RFX3: variants seen among roughly 807,000 people sequenced by gnomAD.
RFX3 encodes transcription factor RFX3.
Under a neutral mutation model 98.6 loss-of-function variants are expected in RFX3, and 14 were observed. The observed-to-expected ratio is 0.14, with a 90% CI of 0.09 to 0.22. The LOEUF (loss-of-function observed/expected upper bound fraction) is 0.22. RFX3 is among the 10% of genes least tolerant of loss of function. The probability of loss-of-function intolerance (pLI) is 1.00; values close to 1 mark genes in which losing one functional copy is unlikely to be tolerated. For synonymous variants in RFX3, 383 were observed against 328.4 expected, an observed-to-expected ratio of 1.17 and a Z score of -1.80; for missense variants, 639 against 926.9, an observed-to-expected ratio of 0.69 and a Z score of 4.03.
Position 3,225,169 on chromosome 9 carries a change from A to G in RFX3, c.2123T>C (p.Met708Thr), listed in dbSNP as rs575024096. 1.6e-5 allele frequency: 26 copies of G among 1,613,946 alleles called. No homozygotes were observed. In the Admixed American group the frequency reaches 1.7e-4, roughly 10 times the overall value. The change falls in exon 17 of 17, where the codon ATG (methionine) becomes ACG (threonine). Residue 708 changes from methionine to threonine, a missense_variant. Physicochemically the swap from Met to Thr is moderately conservative, Grantham distance 81 (BLOSUM62 -1). This residue lies in a region of RFX3 where 129 missense variants were observed against 124.6 expected (regional missense o/e 1.04). Transcript: ENST00000617270. ...CACGCCAGTCTCGAGAACAGGCTGCATGCAGCCCACTGGAAATGCCTGGCT... is the reference window on the plus strand; with the variant it reads ...CACGCCAGTCTCGAGAACAGGCTGCGTGCAGCCCACTGGAAATGCCTGGCT... ...ELSQAFPVGC[M>T]QPVLETGVQP...
At chr9:3,310,454 T>C (rs991275719) in intron 4 of RFX3, among the ~76,000 whole-genome samples, 1 of 152,224 alleles carries the variant, frequency 6.6e-6, no homozygotes, top group Admixed American at 6.5e-5. Context: ...TTTTAATCTT[T>C]TGTTAAAAGA....
intron 1 of RFX3, among the ~76,000 whole-genome samples, chr9:3,516,692 T>A (rs1053666064): frequency 2.0e-5 from 3 of 152,162 alleles, no homozygotes; most frequent in African/African-American, 2.4e-5. Flanking sequence ...TTTATTCTGA[T>A]CAGAGAGCAC....
chr9:3,490,264 A>T, intron 1 of RFX3: 1 of 900,870 alleles, frequency 1.1e-6, no homozygotes, highest in Non-Finnish European at 1.3e-6. Flanking sequence ...TATAAAGAAC[A>T]TGTGTTCAAA....
At chr9:3,279,011 T>C (rs1462745855) in intron 7 of RFX3, among the ~76,000 whole-genome samples, 3 of 151,870 alleles carry the variant, frequency 2.0e-5, no homozygotes, top group African/African-American at 4.8e-5. Flanking sequence ...CATATCCAAA[T>C]ATAACAGAAG....
rs78709493 is a variant in RFX3, at chr9:3,392,092, G to A, written c.117+3380C>T. Among the ~76,000 whole-genome samples the A allele has an allele frequency of 5.3e-5, 8 of 152,278 alleles. No individual in the cohort carries two copies. In the East Asian group the frequency reaches 1.5e-3, roughly 29 times the overall value. On this transcript the variant is annotated intron_variant, in intron 2 of 16. Transcript: ENST00000617270. ...GGGCAAACAAAGATACTGAACATCA[G>A]AGGGTTCTTAATTAAAAAGCCTTGT...
intron 2 of RFX3, among the ~76,000 whole-genome samples, chr9:3,376,645 A>C (rs1838531658): frequency 6.6e-6 from 1 of 152,182 alleles, no homozygotes; most frequent in South Asian, 2.1e-4. Flanking sequence ...CTACCATCAG[A>C]GTGAACACGC....
At chr9:3,368,673 G>A (rs1364459674) in intron 2 of RFX3, among the ~76,000 whole-genome samples, 1 of 152,140 alleles carries the variant, frequency 6.6e-6, no homozygotes, top group Non-Finnish European at 1.5e-5. Flanking sequence ...CCTGCACATT[G>A]CTGTAACAAG....
intron 6 of RFX3, among the ~76,000 whole-genome samples, chr9:3,289,200 G>C (rs191511606): frequency 5.0e-4 from 76 of 152,056 alleles, no homozygotes; most frequent in African/African-American, 1.8e-3. Flanking sequence ...GAAGAGTGTG[G>C]ATTAAATATT....
intron 7 of RFX3, among the ~76,000 whole-genome samples, chr9:3,278,230 C>A (rs1194606491): frequency 8.6e-5 from 13 of 151,434 alleles, no homozygotes; most frequent in African/African-American, 3.2e-4. Context: ...TATAAAAAAA[C>A]AAAACATAAA....
intron 7 of RFX3, among the ~76,000 whole-genome samples, chr9:3,280,669 T>C (rs1359387585): frequency 6.6e-6 from 1 of 151,846 alleles, no homozygotes; most frequent in Admixed American, 6.6e-5. Flanking sequence ...TCACTGCTTT[T>C]GAAATCTAAG....
At position 3,504,893 on chromosome 9, in the gene RFX3, A is replaced by T. The variant is rs867342926; in HGVS notation, c.-9+20854T>A. On this transcript the variant is annotated intron_variant, in intron 1 of 16. Transcript: ENST00000617270. Reference sequence around the variant, plus strand: ...TATTATATATATTATATATAATATAACATATATTATATATATATATAATAT... The same window carrying T: ...TATTATATATATTATATATAATATATCATATATTATATATATATATAATAT... Among the ~76,000 whole-genome samples the T allele has an allele frequency of 6.4e-4, 38 of 59,156 alleles. 1 individual carries two copies. Among genetic ancestry groups the T allele is most frequent in the South Asian group, 1.0e-3 (2 of 1,962 alleles). The allele number at this position is 59,156 out of a possible 152,430, so 38.8% of individuals were successfully genotyped here.
intron 1 of RFX3, among the ~76,000 whole-genome samples, chr9:3,462,640 T>G (rs1190704874): frequency 1.3e-5 from 2 of 152,058 alleles, no homozygotes; most frequent in African/African-American, 2.4e-5. Context: ...GCAGAACATT[T>G]TTAAGAGTTT....
rs1218759301 is a variant in RFX3, at chr9:3,324,946, AGAGT to A, written c.474+5309_474+5312del. Among the ~76,000 whole-genome samples the A allele has an allele frequency of 2.0e-5, 3 of 152,176 alleles. No homozygotes were observed. The East Asian group carries it at 5.8e-4, about 29-fold the overall frequency. On this transcript the variant is annotated intron_variant, in intron 4 of 16. Transcript: ENST00000617270. ...GCCACTGCACTCCAGCCTGGGTGGC[AGAGT>A]GAGACTCCATCTCAAAAAAAATCAA... is the stretch of plus-strand genomic sequence containing the variant.
At chr9:3,449,116 G>A (rs997199100) in intron 1 of RFX3, among the ~76,000 whole-genome samples, 3 of 152,032 alleles carry the variant, frequency 2.0e-5, no homozygotes, top group African/African-American at 7.2e-5. Context: ...TCAAATTGTT[G>A]CTAATAATAC....
intron 7 of RFX3, 148 bp downstream of exon 7, chr9:3,287,983 C>T: frequency 3.7e-6 from 3 of 807,358 alleles, no homozygotes; most frequent in Non-Finnish European, 3.8e-6. Context: ...CACTGAAATT[C>T]TAAATCATAT....
chr9:3,266,352 T>C lies in RFX3; in HGVS notation c.1358-47A>G, dbSNP rs1213106353. On this transcript the variant is annotated intron_variant, in intron 11 of 16. Transcript: ENST00000617270. ...CAGGATAAAAAAAAGTATGAAAGAA[T>C]ATTAATGTTTGTGCTAGAATAAAAG... 5 of 1,230,690 alleles carry C rather than the reference T, an allele frequency of 4.1e-6. No individual in the cohort carries two copies. The Admixed American group carries it at 8.7e-5, about 21-fold the overall frequency. 76.2% of individuals were successfully genotyped at this position (1,230,690 alleles called of 1,614,324 possible).
At chr9:3,360,281 C>A (rs1836258590) in intron 2 of RFX3, among the ~76,000 whole-genome samples, 2 of 150,380 alleles carry the variant, frequency 1.3e-5, no homozygotes, top group African/African-American at 4.9e-5. Context: ...TAAAAAAAAA[C>A]AGTGAAATGG....
chr9:3,366,373 G>A (rs929146069), intron 2 of RFX3, among the ~76,000 whole-genome samples: 7 of 152,104 alleles, frequency 4.6e-5, no homozygotes, highest in South Asian at 4.1e-4. Flanking sequence ...GCGTGTATAC[G>A]TGTGTGTCTG....
At chr9:3,240,501 G>A (rs117661390) in intron 15 of RFX3, among the ~76,000 whole-genome samples, 488 of 152,292 alleles carry the variant, frequency 3.2e-3, no homozygotes, top group Non-Finnish European at 5.9e-3. Flanking sequence ...TAACTGGAGA[G>A]ACAATCAGAG....
Sources: gnomAD v4.1 joint callset for allele counts (sites outside exome capture counted in the v4.1 genomes callset) on GRCh38, gnomAD v4.1.1 for gene constraint, gnomAD v4.1.1 regional missense constraint, MANE v1.5 for transcripts, NCBI Gene and HGNC (gene_info 2026-07-23, HGNC 2026-07-21) for gene names.